Variants in EPHB1 observed in about 807,000 individuals in gnomAD.
EPHB1 encodes the protein EPH receptor B1.
Under a neutral mutation model 94.4 loss-of-function variants are expected in EPHB1, and 30 were observed. The ratio of observed to expected loss-of-function variants is 0.32; its 90% CI spans 0.24 to 0.43. EPHB1 has a LOEUF of 0.43. EPHB1 is among the 20% of genes least tolerant of loss of function. The probability of loss-of-function intolerance (pLI) is 1.00; values close to 1 mark genes in which losing one functional copy is unlikely to be tolerated. For synonymous variants in EPHB1, 522 were observed against 489.1 expected (o/e 1.07, Z -0.89); for missense variants, 1,055 against 1,308.3 (o/e 0.81, Z 2.99).
At position 135,201,523 on chromosome 3, in the gene EPHB1, G is replaced by A. The variant is rs778449715; in HGVS notation, c.2180G>A (p.Gly727Asp). 6.2e-7 allele frequency: 1 copy of A among 1,614,014 alleles called. No individual in the cohort carries two copies. The highest frequency in any genetic ancestry group is 8.5e-7 in the Non-Finnish European group (1 of 1,179,988). ...TVIQLVGMLR[G>D]IAAGMKYLAE... The stretch of plus-strand genomic sequence containing the variant: ...ATCCAGCTTGTGGGTATGCTCAGGG[G>A]CATCGCTGCTGGCATGAAGTACCTG... The change falls in exon 12 of 16, where the codon GGC (glycine) becomes GAC (aspartate). Residue 727 changes from glycine (G) to aspartate (D), a missense_variant. Coordinates refer to ENST00000398015, the MANE Select transcript of EPHB1 (RefSeq NM_004441.5).
At chr3:135,220,279 C>T (rs990797117) in intron 12 of EPHB1, among the ~76,000 whole-genome samples, 4 of 152,102 alleles carry the variant, frequency 2.6e-5, no homozygotes, top group African/African-American at 7.2e-5. Context: ...ATGCTCACCC[C>T]GCAGGCATTC....
intron 11 of EPHB1, among the ~76,000 whole-genome samples, chr3:135,200,009 G>A (rs1472386520): frequency 2.0e-5 from 3 of 152,162 alleles, no homozygotes; most frequent in Non-Finnish European, 4.4e-5. Flanking sequence ...TGGTTGCCTT[G>A]CAGAGTGCCT....
At chr3:135,188,891 G>T (rs1942394773) in intron 10 of EPHB1, among the ~76,000 whole-genome samples, 1 of 152,212 alleles carries the variant, frequency 6.6e-6, no homozygotes. Context: ...TGCCAGACAG[G>T]AAAGGAATTC....
chr3:135,129,811 T>A (rs1940356211), intron 4 of EPHB1, among the ~76,000 whole-genome samples: 1 of 152,092 alleles, frequency 6.6e-6, no homozygotes, highest in African/African-American at 2.4e-5. Context: ...TTCAAGTTGA[T>A]ACAGAGGGAA....
chr3:135,043,848 T>G (rs1473386741), intron 3 of EPHB1, among the ~76,000 whole-genome samples: 1 of 152,136 alleles, frequency 6.6e-6, no homozygotes, highest in African/African-American at 2.4e-5. Flanking sequence ...CCCTGAAGCC[T>G]GGAGGTAAGA....
chr3:135,189,969 G>A (rs911024815), intron 10 of EPHB1, among the ~76,000 whole-genome samples: 14 of 152,144 alleles, frequency 9.2e-5, no homozygotes, highest in Non-Finnish European at 2.1e-4. Flanking sequence ...TGACTTGTTG[G>A]GACCTGCACA....
intron 4 of EPHB1, among the ~76,000 whole-genome samples, chr3:135,122,326 C>T (rs957903223): frequency 6.6e-6 from 1 of 152,172 alleles, no homozygotes; most frequent in Non-Finnish European, 1.5e-5. Flanking sequence ...TGCATCTTTC[C>T]TCACTGTAGA....
intron 5 of EPHB1, among the ~76,000 whole-genome samples, chr3:135,134,090 C>T (rs1277231621): frequency 6.6e-6 from 1 of 152,194 alleles, no homozygotes; most frequent in African/African-American, 2.4e-5. Flanking sequence ...ATCTCTCTCC[C>T]GGGGTTACCG....
intron 1 of EPHB1, among the ~76,000 whole-genome samples, chr3:134,852,079 T>G (rs1273328285): frequency 6.6e-6 from 1 of 152,226 alleles, no homozygotes; most frequent in African/African-American, 2.4e-5. Flanking sequence ...GGCAGTCGGC[T>G]GTGCACTTTA....
intron 15 of EPHB1, among the ~76,000 whole-genome samples, chr3:135,258,528 T>C (rs1933513565): frequency 6.6e-6 from 1 of 152,160 alleles, no homozygotes; most frequent in Admixed American, 6.5e-5. Flanking sequence ...AATGCATACA[T>C]TAAAATTCAC....
At chr3:134,822,795 G>A (rs888281173) in intron 1 of EPHB1, among the ~76,000 whole-genome samples, 5 of 152,160 alleles carry the variant, frequency 3.3e-5, no homozygotes, top group Non-Finnish European at 7.4e-5. Context: ...GAAGAGATTT[G>A]TGTCTTTCTC....
At chr3:135,183,700 G>A (rs1942253189) in intron 10 of EPHB1, among the ~76,000 whole-genome samples, 1 of 152,154 alleles carries the variant, frequency 6.6e-6, no homozygotes, top group Non-Finnish European at 1.5e-5. Context: ...GAACAAAGTG[G>A]CCTCTGAGGT....
intron 2 of EPHB1, among the ~76,000 whole-genome samples, chr3:134,950,990 T>C (rs1177353226): frequency 1.3e-5 from 2 of 152,132 alleles, no homozygotes; most frequent in Non-Finnish European, 2.9e-5. Context: ...GGACCCCCAA[T>C]CCACAGATTG....
chr3:135,114,766 T>TAAATAAATAAATAAAA (rs1553736241), intron 4 of EPHB1, among the ~76,000 whole-genome samples: 3 of 150,272 alleles, frequency 2.0e-5, no homozygotes, highest in African/African-American at 7.3e-5. Flanking sequence ...AATAAATAAA[T>TAAATAAATAAATAAAA]AAAACAATAT....
At chr3:134,808,019 G>A (rs1315102987) in intron 1 of EPHB1, among the ~76,000 whole-genome samples, 1 of 152,208 alleles carries the variant, frequency 6.6e-6, no homozygotes, top group African/African-American at 2.4e-5. Context: ...AGAAGGCAGA[G>A]GGCATGAAAG....
chr3:134,981,147 C>T (rs1399744484), intron 3 of EPHB1, among the ~76,000 whole-genome samples: 2 of 152,140 alleles, frequency 1.3e-5, no homozygotes, highest in Non-Finnish European at 2.9e-5. Context: ...AAAGGTAGCC[C>T]CAAATAACCT....
intron 9 of EPHB1, among the ~76,000 whole-genome samples, chr3:135,178,219 C>CGGGGGGGGGGGGGGGGGGGGGGGG (rs775780350): frequency 1.0e-5 from 1 of 96,238 alleles, no homozygotes; most frequent in African/African-American, 4.8e-5. Flanking sequence ...TTTGGGAGGC[C>CGGGGGGGGGGGGGGGGGGGGGGGG]GGGGAGGGGG....
intron 2 of EPHB1, among the ~76,000 whole-genome samples, chr3:134,931,472 A>G (rs1182523162): frequency 6.6e-6 from 1 of 152,220 alleles, no homozygotes; most frequent in Middle Eastern, 3.2e-3. Flanking sequence ...ATGTGTAAAC[A>G]TCTACCTGAG....
Position 134,923,762 on chromosome 3 carries a change from G to A in EPHB1, c.59-2054G>A, listed in dbSNP as rs565529590. Reference sequence around the variant, plus strand: ...CCCCAAACCTTTGGTTTATGACAGGGTTCTTCTATTTCATAGTGGGCCCAA... The same window carrying A: ...CCCCAAACCTTTGGTTTATGACAGGATTCTTCTATTTCATAGTGGGCCCAA... On this transcript the variant is annotated intron_variant, in intron 1 of 15. Transcript: ENST00000398015. 2.8e-3 allele frequency among the ~76,000 whole-genome samples: 430 copies of A among 152,252 alleles called. 1 individual carries two copies. The highest frequency in any genetic ancestry group is 6.8e-3 in the Middle Eastern group (2 of 294).
Sources: allele counts gnomAD v4.1 joint callset (sites outside exome capture counted in the v4.1 genomes callset), GRCh38; gene constraint gnomAD v4.1.1; transcripts MANE v1.5; gene names NCBI Gene and HGNC (gene_info 2026-07-23, HGNC 2026-07-21).